The following TRAP1 variants were observed in gnomAD, a reference collection of about 807,000 sequenced individuals.
TRAP1 encodes the protein TNF receptor associated protein 1.
TRAP1 carries 102 observed loss-of-function variants against 89.1 expected under a neutral mutation model. The ratio of observed to expected loss-of-function variants is 1.15; its 90% CI spans 0.98 to 1.35. The LOEUF is 1.35. Ranked by LOEUF, TRAP1 falls within the 40% of genes most tolerant of loss-of-function variation. TRAP1 has a pLI of 0.00. For synonymous variants in TRAP1, 508 were observed against 388.0 expected (o/e 1.31, Z -3.64); for missense variants, 1,256 against 945.3 (o/e 1.33, Z -4.31).
chr16:3,677,442 T>C (rs1011280490), intron 6 of TRAP1, 56 bp downstream of exon 6: 7 of 1,611,234 alleles, frequency 4.3e-6, no homozygotes, highest in Admixed American at 3.3e-5. Context: ...CCAAACTCCA[T>C]GCTAAGGGCT....
intron 1 of TRAP1, among the ~76,000 whole-genome samples, chr16:3,692,869 G>A (rs1039805937): frequency 6.6e-6 from 1 of 151,910 alleles, no homozygotes; most frequent in Non-Finnish European, 1.5e-5. Context: ...AAAGTGCTAG[G>A]ATTACAGGCA....
At chr16:3,673,897 G>A (rs923764660) in intron 9 of TRAP1, among the ~76,000 whole-genome samples, 1 of 152,208 alleles carries the variant, frequency 6.6e-6, no homozygotes, top group South Asian at 2.1e-4. Context: ...CCTTCCCAGA[G>A]CGCCTGGCAG....
chr16:3,715,078 G>A (rs143265601), intron 1 of TRAP1, among the ~76,000 whole-genome samples: 2 of 152,316 alleles, frequency 1.3e-5, no homozygotes, highest in Non-Finnish European at 2.9e-5. Flanking sequence ...TTAGACTCAG[G>A]CAGAGGAATG....
intron 4 of TRAP1, among the ~76,000 whole-genome samples, chr16:3,684,307 T>C (rs1242519145): frequency 6.6e-6 from 1 of 152,188 alleles, no homozygotes; most frequent in African/African-American, 2.4e-5. Context: ...TAAATATCAA[T>C]TCAAGCTAGA....
At chr16:3,691,367 C>T (rs1418111634) in intron 1 of TRAP1, among the ~76,000 whole-genome samples, 1 of 152,210 alleles carries the variant, frequency 6.6e-6, no homozygotes, top group Non-Finnish European at 1.5e-5. Flanking sequence ...CAGGCACAGA[C>T]CACCATGCCC....
At chr16:3,668,551 C>G (rs1361063127) in intron 11 of TRAP1, among the ~76,000 whole-genome samples, 2 of 152,186 alleles carry the variant, frequency 1.3e-5, no homozygotes, top group Non-Finnish European at 2.9e-5. Flanking sequence ...AAAACATGTT[C>G]TTGGTACCAT....
chr16:3,702,314 A>G (rs2051377007), intron 1 of TRAP1, among the ~76,000 whole-genome samples: 1 of 151,976 alleles, frequency 6.6e-6, no homozygotes, highest in South Asian at 2.1e-4. Context: ...AGGCACAAAC[A>G]CAGACAAGGT....
At chr16:3,706,067 A>C (rs562310281) in intron 1 of TRAP1, among the ~76,000 whole-genome samples, 1 of 150,310 alleles carries the variant, frequency 6.7e-6, no homozygotes, top group Middle Eastern at 3.2e-3. Context: ...GCAACCTCCA[A>C]TTCCCAGGGT....
intron 1 of TRAP1, among the ~76,000 whole-genome samples, chr16:3,694,886 C>T (rs557259033): frequency 6.6e-6 from 1 of 152,154 alleles, no homozygotes; most frequent in African/African-American, 2.4e-5. Context: ...GTCCTGGAAG[C>T]AAGAAGTCCA....
intron 1 of TRAP1, among the ~76,000 whole-genome samples, chr16:3,692,490 C>G (rs1312055239): frequency 6.7e-6 from 1 of 148,408 alleles, no homozygotes; most frequent in African/African-American, 2.5e-5. Context: ...GAGCCGAGAT[C>G]GTGCCGCTGC....
intron 16 of TRAP1, 54 bp from the exon 17 acceptor site, chr16:3,658,919 T>C: frequency 6.4e-7 from 1 of 1,573,070 alleles, no homozygotes; most frequent in South Asian, 1.1e-5. Context: ...GCTGTGACCC[T>C]CCCTTCATGT....
intron 7 of TRAP1, 86 bp from the exon 8 acceptor site, chr16:3,675,483 C>A: frequency 1.5e-6 from 2 of 1,366,138 alleles, no homozygotes; most frequent in Admixed American, 1.8e-5. Context: ...TGAGCGCCAG[C>A]CTGCTGGGAA....
At chr16:3,673,290 G>A (rs190193591) in intron 9 of TRAP1, among the ~76,000 whole-genome samples, 25 of 152,346 alleles carry the variant, frequency 1.6e-4, no homozygotes, top group Admixed American at 1.6e-3. Context: ...CAGCTCATGG[G>A]ACCCGGCCCT....
intron 12 of TRAP1, chr16:3,664,677 T>TG: frequency 1.8e-6 from 1 of 542,690 alleles, no homozygotes. Flanking sequence ...AAGCACCTCC[T>TG]GCCCCAGGTG....
intron 4 of TRAP1, among the ~76,000 whole-genome samples, chr16:3,682,387 CAAAAAA>C (rs569995327): frequency 1.3e-5 from 1 of 78,374 alleles, no homozygotes; most frequent in African/African-American, 4.9e-5. Context: ...CCTGCCTCTA[CAAAAAA>C]AAAAAAAAAA....
intron 1 of TRAP1, among the ~76,000 whole-genome samples, chr16:3,715,367 G>A (rs1028680393): frequency 6.6e-6 from 1 of 152,128 alleles, no homozygotes; most frequent in Non-Finnish European, 1.5e-5. Context: ...GAACCCGGGA[G>A]GCGGAGCTTG....
chr16:3,661,258 A>T (rs956139352), intron 16 of TRAP1: 3 of 152,206 alleles, frequency 2.0e-5, no homozygotes, highest in Admixed American at 6.5e-5. Flanking sequence ...TGATACTGTA[A>T]AAAGAAAGAA....
At chr16:3,687,465 C>T (rs896658716) in intron 3 of TRAP1, 1 of 152,256 alleles carries the variant, frequency 6.6e-6, no homozygotes, top group African/African-American at 2.4e-5. Context: ...TCCCTAGCTT[C>T]ATCTCATCTA....
chr16:3,693,856 A>T (rs112936101), intron 1 of TRAP1, among the ~76,000 whole-genome samples: 6,307 of 152,080 alleles, frequency 0.041, 422 homozygotes, highest in African/African-American at 0.14. Flanking sequence ...AGCCAGGTGT[A>T]GTGGTGTGCA....
Sources: allele counts gnomAD v4.1 joint callset (sites outside exome capture counted in the v4.1 genomes callset), GRCh38; gene constraint gnomAD v4.1.1; transcripts MANE v1.5; gene names NCBI Gene and HGNC (gene_info 2026-07-23, HGNC 2026-07-21).